Variants in PLD5 observed in about 807,000 individuals in gnomAD.
The protein encoded by PLD5 is inactive phospholipase D5.
Under a neutral mutation model 61.1 loss-of-function variants are expected in PLD5, and 36 were observed. That is an observed-to-expected ratio of 0.59 (90% CI 0.45 to 0.78). The LOEUF (loss-of-function observed/expected upper bound fraction) is 0.78. Among genes scored for constraint, PLD5 ranks in the 30% least tolerant of loss-of-function variants. The probability of loss-of-function intolerance (pLI) is 0.00; values close to 1 mark genes in which losing one functional copy is unlikely to be tolerated. For missense variants in PLD5, 515 were observed against 644.4 expected (o/e 0.80, Z 2.17); for synonymous variants, 243 against 242.8 (o/e 1.00, Z -0.01).
rs563469279 is a variant in PLD5, at chr1:242,325,495, A to AAG, written c.326+22609_326+22610dup. 5.4e-3 allele frequency among the ~76,000 whole-genome samples: 817 copies of AAG among 150,564 alleles called. 7 individuals carry two copies. The highest frequency in any genetic ancestry group is 0.019 in the African/African-American group (769 of 40,664). On this transcript the variant is annotated intron_variant, in intron 2 of 9. Coordinates refer to ENST00000536534, the MANE Select transcript of PLD5 (RefSeq NM_001372062.1). ...AGTAGGGGGGAGAGAAGGTGGAGAG[A>AAG]AGAGAGAGAGAGAGAGTCAGAGAGA...
chr1:242,164,591 T>C (rs1666164546), intron 5 of PLD5, among the ~76,000 whole-genome samples: 1 of 152,158 alleles, frequency 6.6e-6, no homozygotes, highest in Non-Finnish European at 1.5e-5. Context: ...TTTTAACATG[T>C]AGAAGCAGAG....
intron 2 of PLD5, among the ~76,000 whole-genome samples, chr1:242,333,871 T>C (rs1372258829): frequency 2.6e-5 from 4 of 152,298 alleles, no homozygotes; most frequent in East Asian, 1.9e-4. Context: ...TATATATATA[T>C]ACCACATTTA....
At chr1:242,430,542 C>A (rs1665661905) in intron 1 of PLD5, among the ~76,000 whole-genome samples, 1 of 152,156 alleles carries the variant, frequency 6.6e-6, no homozygotes, top group Non-Finnish European at 1.5e-5. Context: ...ACATTCCATC[C>A]ATAACACCCA....
intron 1 of PLD5, chr1:242,365,742 G>T: frequency 4.8e-6 from 1 of 210,022 alleles, no homozygotes; most frequent in South Asian, 8.8e-5. Context: ...TCAACTTCCT[G>T]GTGTCATTAC....
chr1:242,318,693 G>A (rs1316653542), intron 2 of PLD5, among the ~76,000 whole-genome samples: 1 of 151,090 alleles, frequency 6.6e-6, no homozygotes, highest in Non-Finnish European at 1.5e-5. Context: ...CTCTCACTAT[G>A]TTGCCCAGGC....
At chr1:242,336,209 A>G (rs575779028) in intron 2 of PLD5, among the ~76,000 whole-genome samples, 49 of 152,338 alleles carry the variant, frequency 3.2e-4, no homozygotes, top group African/African-American at 1.1e-3. Flanking sequence ...TCATAACATT[A>G]ATGATACAGA....
At chr1:242,201,910 C>T (rs530929564) in intron 5 of PLD5, among the ~76,000 whole-genome samples, 1 of 152,184 alleles carries the variant, frequency 6.6e-6, no homozygotes, top group Admixed American at 6.5e-5. Flanking sequence ...TATCACTATG[C>T]CCAACATAAA....
chr1:242,289,078 CT>C (rs1675199693), intron 2 of PLD5, among the ~76,000 whole-genome samples: 1 of 152,152 alleles, frequency 6.6e-6, no homozygotes, highest in African/African-American at 2.4e-5. Flanking sequence ...ATAAAACCTG[CT>C]TGTTGCAGGG....
intron 2 of PLD5, among the ~76,000 whole-genome samples, chr1:242,297,597 T>C (rs1675760586): frequency 2.0e-5 from 3 of 150,518 alleles, no homozygotes; most frequent in Admixed American, 2.0e-4. Flanking sequence ...TTAAAAAATG[T>C]TTAATTAGTA....
intron 2 of PLD5, among the ~76,000 whole-genome samples, chr1:242,300,163 G>C (rs1408882197): frequency 6.6e-6 from 1 of 152,206 alleles, no homozygotes; most frequent in African/African-American, 2.4e-5. Flanking sequence ...TATCAGCCAG[G>C]CATAGTGGCT....
intron 1 of PLD5, among the ~76,000 whole-genome samples, chr1:242,509,239 C>A (rs564258863): frequency 1.3e-5 from 2 of 151,422 alleles, no homozygotes; most frequent in Non-Finnish European, 2.9e-5. Flanking sequence ...ATTAGCCGGG[C>A]GTGATGGCAT....
intron 7 of PLD5, among the ~76,000 whole-genome samples, chr1:242,110,954 G>A (rs1472767631): frequency 6.6e-6 from 1 of 151,988 alleles, no homozygotes; most frequent in Admixed American, 6.6e-5. Flanking sequence ...TGTGACTGAA[G>A]AAATAAATAA....
intron 5 of PLD5, among the ~76,000 whole-genome samples, chr1:242,137,168 C>A (rs932825610): frequency 2.6e-5 from 4 of 152,148 alleles, no homozygotes; most frequent in Non-Finnish European, 4.4e-5. Context: ...CTTCCTATAC[C>A]CAGCTATCAT....
intron 5 of PLD5, among the ~76,000 whole-genome samples, chr1:242,180,556 G>A (rs527763382): frequency 1.3e-5 from 2 of 152,116 alleles, no homozygotes; most frequent in African/African-American, 4.8e-5. Context: ...CAATATTTTT[G>A]CTAGAGAAAG....
chr1:242,407,169 G>A (rs1664276202), intron 1 of PLD5, among the ~76,000 whole-genome samples: 1 of 152,042 alleles, frequency 6.6e-6, no homozygotes, highest in East Asian at 1.9e-4. Context: ...TTATAAAGGG[G>A]AGTTTCCCTG....
intron 5 of PLD5, among the ~76,000 whole-genome samples, chr1:242,140,507 T>A (rs1050554511): frequency 6.6e-6 from 1 of 152,070 alleles, no homozygotes; most frequent in Non-Finnish European, 1.5e-5. Context: ...CATGGTGGCA[T>A]GTACTTGTAG....
At chr1:242,255,249 A>G (rs1672947911) in intron 4 of PLD5, among the ~76,000 whole-genome samples, 2 of 152,158 alleles carry the variant, frequency 1.3e-5, no homozygotes, top group African/African-American at 4.8e-5. Flanking sequence ...AGGTAGAATA[A>G]TATAAAGTTT....
At chr1:242,233,781 G>GC (rs1345753519) in intron 4 of PLD5, among the ~76,000 whole-genome samples, 1 of 152,112 alleles carries the variant, frequency 6.6e-6, no homozygotes, top group Non-Finnish European at 1.5e-5. Flanking sequence ...TTTGCAAACA[G>GC]CCCCCCTCTA....
chr1:242,369,625 G>T (rs1295911378), intron 1 of PLD5, among the ~76,000 whole-genome samples: 2 of 152,180 alleles, frequency 1.3e-5, no homozygotes, highest in East Asian at 3.9e-4. Context: ...GGTTTTGTGA[G>T]GTCAGAGGAG....
Sources: allele counts gnomAD v4.1 joint callset (sites outside exome capture counted in the v4.1 genomes callset), GRCh38; gene constraint gnomAD v4.1.1; transcripts MANE v1.5; gene names NCBI Gene and HGNC (gene_info 2026-07-23, HGNC 2026-07-21).